Variants in ZMAT5 observed in about 807,000 individuals in gnomAD.
ZMAT5 encodes zinc finger matrin-type 5, also known as zinc finger matrin-type protein 5.
In ZMAT5, 23 loss-of-function variants were observed where a neutral mutation model predicts 28.0. That is an observed-to-expected ratio of 0.82 (90% confidence interval 0.59 to 1.16). The LOEUF (loss-of-function observed/expected upper bound fraction) is 1.16, where lower values mean the gene tolerates loss of function less well. Ranked by LOEUF, ZMAT5 falls within the 50% of genes most tolerant of loss-of-function variation. ZMAT5 has a pLI of 0.00. For synonymous variants in ZMAT5, 76 were observed against 84.1 expected, an observed-to-expected ratio of 0.90 and a Z score of 0.52; for missense variants, 173 against 212.7, an observed-to-expected ratio of 0.81 and a Z score of 1.16.
At chr22:29,755,005 C>T (rs528095708) in intron 1 of ZMAT5, among the ~76,000 whole-genome samples, 4 of 152,142 alleles carry the variant, frequency 2.6e-5, no homozygotes, top group African/African-American at 9.6e-5. Flanking sequence ...ACTTTAAAAT[C>T]GCAGTCAAGG....
At chr22:29,750,910 T>G (rs1215219374) in intron 1 of ZMAT5, among the ~76,000 whole-genome samples, 1 of 152,196 alleles carries the variant, frequency 6.6e-6, no homozygotes, top group African/African-American at 2.4e-5. Flanking sequence ...AGTCAGGGGC[T>G]GTAATGGGAT....
rs541407327 is a variant in ZMAT5, at chr22:29,761,393, A to T, written c.-28+5479T>A. ...GGAGTTCAAAACCAGCCTGGGCAACATAGGGGAACCTTGTCTCTACAAATA... is the reference window on the plus strand; with the variant it reads ...GGAGTTCAAAACCAGCCTGGGCAACTTAGGGGAACCTTGTCTCTACAAATA... On this transcript the variant is annotated intron_variant, in intron 1 of 5. Transcript: ENST00000344318. Among the ~76,000 whole-genome samples, 444 of 152,264 alleles carry T rather than the reference A, an allele frequency of 2.9e-3. 1 individual carries two copies. The highest frequency in any genetic ancestry group is 0.01 in the African/African-American group (424 of 41,540).
chr22:29,746,690 G>A (rs1232813486), intron 2 of ZMAT5: 1 of 152,182 alleles, frequency 6.6e-6, no homozygotes, highest in Non-Finnish European at 1.5e-5. Flanking sequence ...GGGATGTGAG[G>A]ACACTGAGAA....
chr22:29,756,752 A>T (rs557967443), intron 1 of ZMAT5, among the ~76,000 whole-genome samples: 110 of 151,852 alleles, frequency 7.2e-4, no homozygotes, highest in African/African-American at 2.3e-3. Context: ...CCACAAAAAA[A>T]TTTTTTTTAA....
intron 5 of ZMAT5, among the ~76,000 whole-genome samples, chr22:29,736,210 G>A (rs924033486): frequency 1.3e-5 from 2 of 152,212 alleles, no homozygotes; most frequent in Non-Finnish European, 2.9e-5. Context: ...GGTGTAGGAC[G>A]TGGATCCCTG....
chr22:29,737,925 T>G (rs995215094), intron 5 of ZMAT5, among the ~76,000 whole-genome samples: 9 of 152,066 alleles, frequency 5.9e-5, no homozygotes, highest in Non-Finnish European at 1.3e-4. Context: ...GGCTCTACAT[T>G]TTCCCGTCTG....
At chr22:29,751,035 T>C (rs1251919672) in intron 1 of ZMAT5, among the ~76,000 whole-genome samples, 1 of 152,210 alleles carries the variant, frequency 6.6e-6, no homozygotes, top group Admixed American at 6.5e-5. Flanking sequence ...GCAGCTCTAA[T>C]ACACCCCATC....
At chr22:29,750,377 C>T (rs555577412) in intron 1 of ZMAT5, among the ~76,000 whole-genome samples, 2 of 152,280 alleles carry the variant, frequency 1.3e-5, no homozygotes, top group East Asian at 3.9e-4. Context: ...AAGGAGATCA[C>T]TAAATTATCA....
intron 5 of ZMAT5, among the ~76,000 whole-genome samples, chr22:29,732,976 G>T (rs2067866333): frequency 1.3e-5 from 2 of 152,198 alleles, no homozygotes; most frequent in South Asian, 4.1e-4. Flanking sequence ...AATGCTGAAA[G>T]ATCTTACTGA....
chr22:29,731,142 G>A lies in ZMAT5; in HGVS notation c.*83C>T, dbSNP rs2067837570. The A allele has an allele frequency of 1.4e-6, 2 of 1,386,600 alleles. No individual in the cohort carries two copies. The highest frequency in any genetic ancestry group is 1.5e-5 in the African/African-American group (1 of 66,198). 85.9% of individuals were successfully genotyped at this position (1,386,600 alleles called of 1,614,324 possible). A position where few individuals can be genotyped will look rare whatever the true frequency, so the allele number is the denominator to read the frequency against. ...GGCAGATGGTCTCGGAGCCTCCATG[G>A]GGCGTAGCAGGAACCGGGCTTGGCT... On this transcript the variant is annotated 3_prime_UTR_variant, in exon 6 of 6. Transcript: ENST00000344318.
At chr22:29,760,443 C>T (rs183471123) in intron 1 of ZMAT5, among the ~76,000 whole-genome samples, 1 of 151,418 alleles carries the variant, frequency 6.6e-6, no homozygotes, top group East Asian at 1.9e-4. Flanking sequence ...ACTTGGGAAG[C>T]TGAGGCACGA....
At position 29,742,540 on chromosome 22, in the gene ZMAT5, A is replaced by G. The variant is rs1473830528; in HGVS notation, c.128-60T>C. 1.2e-5 allele frequency: 19 copies of G among 1,547,784 alleles called. No homozygotes were observed. The Admixed American group carries it at 1.3e-4, about 11-fold the overall frequency. ...TCAGGCTCCACCAAAGGAGGCAGGA[A>G]GTGGAAGCCACAGGGGCATATGGAC... On this transcript the variant is annotated intron_variant, in intron 2 of 5. Transcript: ENST00000344318.
intron 1 of ZMAT5, among the ~76,000 whole-genome samples, chr22:29,750,177 C>T (rs1241628282): frequency 6.6e-6 from 1 of 152,268 alleles, no homozygotes; most frequent in Admixed American, 6.5e-5. Flanking sequence ...TTAAATGTAT[C>T]AATTCTCATT....
intron 1 of ZMAT5, among the ~76,000 whole-genome samples, chr22:29,757,018 G>A (rs776770338): frequency 1.1e-4 from 17 of 151,908 alleles, no homozygotes; most frequent in Admixed American, 2.6e-4. Context: ...CAGCCTGGGC[G>A]ACAGAGCGAG....
At chr22:29,739,564 C>A (rs1304636922) in intron 4 of ZMAT5, among the ~76,000 whole-genome samples, 1 of 152,240 alleles carries the variant, frequency 6.6e-6, no homozygotes, top group Non-Finnish European at 1.5e-5. Flanking sequence ...AGAGCTGGGA[C>A]TGTCAGAGCT....
chr22:29,766,044 T>C (rs576226139), intron 1 of ZMAT5, among the ~76,000 whole-genome samples: 9 of 152,256 alleles, frequency 5.9e-5, no homozygotes, highest in Admixed American at 1.3e-4. Flanking sequence ...ACAAGACTCC[T>C]TGGCCAGACG....
At chr22:29,734,484 G>A (rs550297250) in intron 5 of ZMAT5, among the ~76,000 whole-genome samples, 25 of 152,342 alleles carry the variant, frequency 1.6e-4, no homozygotes, top group Non-Finnish European at 2.8e-4. Context: ...CAAAAGGCTC[G>A]CAGCACTAAC....
chr22:29,757,785 A>C (rs1310558988), intron 1 of ZMAT5, among the ~76,000 whole-genome samples: 2 of 152,220 alleles, frequency 1.3e-5, no homozygotes, highest in East Asian at 3.8e-4. Context: ...TGGGAGGCCA[A>C]GGCGGGCAGA....
chr22:29,756,138 G>A (rs761911948), intron 1 of ZMAT5, among the ~76,000 whole-genome samples: 17 of 152,202 alleles, frequency 1.1e-4, no homozygotes, highest in African/African-American at 1.9e-4. Flanking sequence ...CACCACAGGC[G>A]ACCCTGAAGC....
Sources: allele counts gnomAD v4.1 joint callset (sites outside exome capture counted in the v4.1 genomes callset), GRCh38; gene constraint gnomAD v4.1.1; transcripts MANE v1.5; gene names NCBI Gene and HGNC (gene_info 2026-07-23, HGNC 2026-07-21).